Variants in SDK1 observed in about 807,000 individuals in gnomAD.
SDK1 encodes the protein sidekick cell adhesion molecule 1.
Under a neutral mutation model 245.5 loss-of-function variants are expected in SDK1, and 157 were observed. The observed-to-expected ratio is 0.64, with a 90% CI of 0.56 to 0.73. SDK1 has a LOEUF of 0.73. SDK1 is among the 30% of genes least tolerant of loss of function. The pLI is 0.00. For synonymous variants in SDK1, 1,647 were observed against 1,278.5 expected (o/e 1.29, Z -6.15); for missense variants, 3,583 against 3,002.3 (o/e 1.19, Z -4.52).
intron 5 of SDK1, among the ~76,000 whole-genome samples, chr7:3,921,004 G>T (rs113175974): frequency 1.3e-5 from 2 of 152,282 alleles, no homozygotes; most frequent in African/African-American, 4.8e-5. Flanking sequence ...GATCAAGTTT[G>T]CAATTCCTAG....
At chr7:3,902,195 C>T (rs1337251315) in intron 5 of SDK1, among the ~76,000 whole-genome samples, 4 of 152,208 alleles carry the variant, frequency 2.6e-5, no homozygotes, top group East Asian at 3.9e-4. Context: ...GAAATGTGCG[C>T]GTGTGCATGT....
chr7:4,040,361 C>T (rs1362288759), intron 17 of SDK1, among the ~76,000 whole-genome samples: 6 of 152,100 alleles, frequency 3.9e-5, no homozygotes, highest in Non-Finnish European at 7.3e-5. Context: ...CCCGGGGGTC[C>T]GTGGCAACTG....
intron 4 of SDK1, among the ~76,000 whole-genome samples, chr7:3,676,558 C>A (rs1240720144): frequency 1.3e-5 from 2 of 152,160 alleles, no homozygotes; most frequent in Non-Finnish European, 2.9e-5. Context: ...ATCTCCTGAC[C>A]TTGTGATCTG....
At chr7:3,571,268 T>C (rs1474455971) in intron 1 of SDK1, among the ~76,000 whole-genome samples, 2 of 152,038 alleles carry the variant, frequency 1.3e-5, no homozygotes, top group Admixed American at 6.6e-5. Flanking sequence ...GTTCTTACTG[T>C]AGATTATCTT....
At chr7:3,421,615 G>A (rs906722516) in intron 1 of SDK1, among the ~76,000 whole-genome samples, 3 of 152,138 alleles carry the variant, frequency 2.0e-5, no homozygotes, top group African/African-American at 7.2e-5. Context: ...TGAAATTAGT[G>A]GAGAATGGAC....
rs200733193 is a variant in SDK1, at chr7:3,488,275, C to CT, written c.299-130801dup. Among the ~76,000 whole-genome samples, 789 of 152,140 alleles carry CT rather than the reference C, an allele frequency of 5.2e-3. 10 individuals are homozygous for CT. Among genetic ancestry groups the CT allele is most frequent in the Non-Finnish European group, 4.6e-3 (315 of 67,990 alleles). ...TAAATCTGGGTTTATTTGCTTTTTT[C>CT]TTTTCTTTTCTGTGCTTTCTCTTTC... On this transcript the variant is annotated intron_variant, in intron 1 of 44. Coordinates refer to ENST00000404826, the MANE Select transcript of SDK1 (RefSeq NM_152744.4).
chr7:3,864,289 T>G (rs1780768282), intron 5 of SDK1, among the ~76,000 whole-genome samples: 2 of 152,184 alleles, frequency 1.3e-5, no homozygotes, highest in Non-Finnish European at 2.9e-5. Context: ...CGTTTCCTAT[T>G]CTGTTCTCTT....
chr7:3,996,132 AT>A (rs1302890433), intron 14 of SDK1, among the ~76,000 whole-genome samples: 1 of 151,976 alleles, frequency 6.6e-6, no homozygotes, highest in Non-Finnish European at 1.5e-5. Context: ...CAAATGATCC[AT>A]TTTCCCAACA....
At chr7:4,084,177 G>A (rs1781277947) in intron 22 of SDK1, among the ~76,000 whole-genome samples, 1 of 152,186 alleles carries the variant, frequency 6.6e-6, no homozygotes, top group Non-Finnish European at 1.5e-5. Context: ...CAGAATAAAT[G>A]CTTAATTCTT....
chr7:4,079,526 A>T lies in SDK1; in HGVS notation c.3266A>T (p.Gln1089Leu). 1 of 1,614,190 alleles carries T rather than the reference A, an allele frequency of 6.2e-7. No homozygotes were observed. Among genetic ancestry groups the T allele is most frequent in the Non-Finnish European group, 8.5e-7 (1 of 1,180,034 alleles). The part of the protein sequence containing the change: ...SNISPRSATL[Q>L]FRPGYDGKTS... ...ATCAGCCCTCGCTCCGCCACCCTTC[A>T]GTTCCGGCCAGGCTATGACGGGAAA... The change falls in exon 22 of 45, where the codon CAG (glutamine) becomes CTG (leucine). Residue 1089 changes from glutamine to leucine, a missense_variant. By Grantham distance (113) the Gln-to-Leu change is moderately radical. Coordinates refer to ENST00000404826, the MANE Select transcript of SDK1 (RefSeq NM_152744.4).
intron 1 of SDK1, among the ~76,000 whole-genome samples, chr7:3,485,272 C>G (rs1338141309): frequency 6.6e-6 from 1 of 151,942 alleles, no homozygotes; most frequent in Non-Finnish European, 1.5e-5. Flanking sequence ...GCATTTTTTC[C>G]CTAGACGTGG....
chr7:4,116,591 C>T (rs1562834311), intron 25 of SDK1, among the ~76,000 whole-genome samples: 2 of 152,216 alleles, frequency 1.3e-5, no homozygotes, highest in African/African-American at 2.4e-5. Context: ...TGCACAGAAG[C>T]CCCCTGGGTT....
intron 1 of SDK1, among the ~76,000 whole-genome samples, chr7:3,365,585 T>TA (rs1311328769): frequency 1.3e-5 from 2 of 152,256 alleles, no homozygotes; most frequent in Admixed American, 1.3e-4. Context: ...TTTATCTTAC[T>TA]ATACACATAA....
At chr7:3,544,055 T>C (rs1198658085) in intron 1 of SDK1, among the ~76,000 whole-genome samples, 1 of 152,254 alleles carries the variant, frequency 6.6e-6, no homozygotes, top group East Asian at 1.9e-4. Flanking sequence ...ATTTGATTAT[T>C]TTCCTCATAT....
At chr7:3,580,990 A>AC (rs1562578334) in intron 1 of SDK1, among the ~76,000 whole-genome samples, 1 of 138,090 alleles carries the variant, frequency 7.2e-6, no homozygotes, top group Non-Finnish European at 1.6e-5. Flanking sequence ...AAAAAAAAAA[A>AC]AAAACCAAAA....
chr7:3,792,738 G>A lies in SDK1; in HGVS notation c.714-28712G>A, dbSNP rs112875422. ...CATCCATCCGTCTGTCCATCCATCC[G>A]TCCAACTACTACCCCCTCCCCCTCC... On this transcript the variant is annotated intron_variant, in intron 4 of 44. Coordinates refer to ENST00000404826, the MANE Select transcript of SDK1 (RefSeq NM_152744.4). Among the ~76,000 whole-genome samples, 895 of 148,598 alleles carry A rather than the reference G, an allele frequency of 6.0e-3. 14 individuals carry two copies. The highest frequency in any genetic ancestry group is 0.021 in the African/African-American group (820 of 39,956).
chr7:3,802,194 A>G (rs1227622687), intron 4 of SDK1, among the ~76,000 whole-genome samples: 2 of 151,996 alleles, frequency 1.3e-5, no homozygotes, highest in East Asian at 3.9e-4. Context: ...GTTCTTTGTC[A>G]TTTTACTACA....
chr7:3,951,701 G>T, intron 6 of SDK1, 29 bp from the exon 7 acceptor site: 1 of 1,603,698 alleles, frequency 6.2e-7, no homozygotes, highest in Non-Finnish European at 8.5e-7. Flanking sequence ...AGTCACAATC[G>T]TCGTCATGAA....
chr7:4,233,539 G>T (rs1583139132), intron 41 of SDK1, 120 bp downstream of exon 41: 2 of 948,644 alleles, frequency 2.1e-6, no homozygotes, highest in East Asian at 5.2e-5. Context: ...GGGGTCGAGG[G>T]GGACCCAGGG....
Sources: gnomAD v4.1 joint callset for allele counts (sites outside exome capture counted in the v4.1 genomes callset) on GRCh38, gnomAD v4.1.1 for gene constraint, MANE v1.5 for transcripts, NCBI Gene and HGNC (gene_info 2026-07-23, HGNC 2026-07-21) for gene names.